FAM20A: variants seen among roughly 807,000 people sequenced by gnomAD.
FAM20A encodes pseudokinase FAM20A.
FAM20A carries 42 observed loss-of-function variants against 52.0 expected under a neutral mutation model. That is an observed-to-expected ratio of 0.81 (90% CI 0.63 to 1.04). The LOEUF (loss-of-function observed/expected upper bound fraction) is 1.04, where lower values mean the gene tolerates loss of function less well. Ranked by LOEUF, FAM20A falls within the 50% of genes least tolerant of loss-of-function variation. The pLI is 0.00. For synonymous variants in FAM20A, 304 were observed against 298.9 expected, an observed-to-expected ratio of 1.02 and a Z score of -0.18; for missense variants, 742 against 712.7, an observed-to-expected ratio of 1.04 and a Z score of -0.47.
chr17:68,550,186 T>TA (rs2086768343), intron 4 of FAM20A, among the ~76,000 whole-genome samples: 1 of 152,118 alleles, frequency 6.6e-6, no homozygotes, highest in Non-Finnish European at 1.5e-5. Flanking sequence ...TTTTGACAAG[T>TA]AAAATCTACA....
chr17:68,576,353 C>T (rs1231179273), intron 1 of FAM20A, among the ~76,000 whole-genome samples: 1 of 152,242 alleles, frequency 6.6e-6, no homozygotes, highest in Non-Finnish European at 1.5e-5. Context: ...AGGAGACTGA[C>T]TTGAGCTAGC....
chr17:68,540,246 T>C (rs1238695994), intron 8 of FAM20A, among the ~76,000 whole-genome samples: 1 of 152,226 alleles, frequency 6.6e-6, no homozygotes, highest in Non-Finnish European at 1.5e-5. Flanking sequence ...GATTTGAATG[T>C]GCAGAAAGTC....
rs34614921 is a variant in FAM20A at position 68,551,724 on chromosome 17, T to TATTATC, written c.719+148_719+149insGATAAT. ...TTATTATTATTATTATTATTATTAT[T>TATTATC]ATCACCCCAAACAGTTCTGTGCTTG... On this transcript the variant is annotated intron_variant, in intron 4 of 10. Coordinates refer to ENST00000592554, the MANE Select transcript of FAM20A (RefSeq NM_017565.4). The TATTATC allele has an allele frequency of 7.0e-3, 2,069 of 293,636 alleles. 51 individuals are homozygous for TATTATC. The highest frequency in any genetic ancestry group is 0.023 in the African/African-American group (886 of 37,736). The allele number at this position is 293,636 out of a possible 1,614,324, so 18.2% of individuals were successfully genotyped here. A position where few individuals can be genotyped will look rare whatever the true frequency, so the allele number is the denominator to read the frequency against.
At chr17:68,573,596 C>A (rs2087637509) in intron 1 of FAM20A, among the ~76,000 whole-genome samples, 1 of 146,018 alleles carries the variant, frequency 6.8e-6, no homozygotes, top group Non-Finnish European at 1.5e-5. Flanking sequence ...TCTTTCCTTT[C>A]TTTCTCTCTC....
At chr17:68,585,160 C>G (rs2088131244) in intron 1 of FAM20A, among the ~76,000 whole-genome samples, 1 of 152,200 alleles carries the variant, frequency 6.6e-6, no homozygotes, top group Non-Finnish European at 1.5e-5. Flanking sequence ...TAGGCTGGCC[C>G]TTAGACCTGT....
At chr17:68,546,434 G>T (rs2086570235) in intron 4 of FAM20A, among the ~76,000 whole-genome samples, 1 of 151,998 alleles carries the variant, frequency 6.6e-6, no homozygotes, top group East Asian at 1.9e-4. Context: ...ATGGCATCTA[G>T]AATGGAGACT....
chr17:68,541,677 TC>T (rs2086301962), intron 7 of FAM20A: 2 of 277,340 alleles, frequency 7.2e-6, no homozygotes, highest in Admixed American at 4.7e-5. Flanking sequence ...TGCTGTGTTT[TC>T]GTGATCTGGC....
Position 68,537,298 on chromosome 17 carries a change from C to T in FAM20A, c.*179G>A, listed in dbSNP as rs1457275978. Reference sequence around the variant, plus strand: ...AAGGCAACGCACGACAGAAGCGGTGCACCAAGGAGTAAAGATTCAGTTCCA... The same window carrying T: ...AAGGCAACGCACGACAGAAGCGGTGTACCAAGGAGTAAAGATTCAGTTCCA... On this transcript the variant is annotated 3_prime_UTR_variant, in exon 11 of 11. Transcript: ENST00000592554. This position sits in a 1 kb window ranked among gnomAD's most constrained non-coding sequence, Gnocchi z 4.2. The T allele has an allele frequency of 6.1e-6, 5 of 820,612 alleles. No individual in the cohort carries two copies. Among genetic ancestry groups the T allele is most frequent in the South Asian group, 2.9e-5 (2 of 69,402 alleles). 50.8% of individuals were successfully genotyped at this position (820,612 alleles called of 1,614,324 possible).
chr17:68,559,396 C>A lies in FAM20A; in HGVS notation c.405-3653G>T, dbSNP rs193278452. ...GGACAGTGAGGCCATTGCCTGGTAA[C>A]ACTGGCCTTCCTTTTAAGGAAAGAG... On this transcript the variant is annotated intron_variant, in intron 1 of 10. Transcript: ENST00000592554. 1.7e-3 allele frequency among the ~76,000 whole-genome samples: 259 copies of A among 152,290 alleles called. 1 individual carries two copies. The highest frequency in any genetic ancestry group is 6.0e-3 in the African/African-American group (251 of 41,552).
chr17:68,540,750 C>A, intron 8 of FAM20A, 99 bp downstream of exon 8: 1 of 1,436,656 alleles, frequency 7.0e-7, no homozygotes, highest in South Asian at 1.2e-5. Context: ...GTTACTCAGT[C>A]CTCATGAACC....
intron 1 of FAM20A, among the ~76,000 whole-genome samples, chr17:68,586,965 A>G (rs1479305439): frequency 6.6e-6 from 1 of 151,892 alleles, no homozygotes; most frequent in African/African-American, 2.4e-5. Flanking sequence ...GATGTCGTTC[A>G]CTGCAACCTC....
chr17:68,546,786 A>C (rs890611332), intron 4 of FAM20A, among the ~76,000 whole-genome samples: 17 of 146,696 alleles, frequency 1.2e-4, no homozygotes, highest in African/African-American at 4.3e-4. Flanking sequence ...GCTGAGATTG[A>C]GCCACTGGAC....
chr17:68,563,288 A>G (rs1568753361), intron 1 of FAM20A, among the ~76,000 whole-genome samples: 1 of 150,780 alleles, frequency 6.6e-6, no homozygotes, highest in Non-Finnish European at 1.5e-5. Context: ...TGGGAGGCTG[A>G]GGCAGGAGAA....
intron 1 of FAM20A, among the ~76,000 whole-genome samples, chr17:68,599,362 A>C (rs2088545253): frequency 6.6e-6 from 1 of 152,344 alleles, no homozygotes; most frequent in South Asian, 2.1e-4. Context: ...CTTAACTCAT[A>C]CGAAGGCTTC....
At chr17:68,561,598 T>A (rs2087215484) in intron 1 of FAM20A, among the ~76,000 whole-genome samples, 1 of 151,598 alleles carries the variant, frequency 6.6e-6, no homozygotes, top group Non-Finnish European at 1.5e-5. Context: ...GCTCTTTTTT[T>A]TTTTTTTTTT....
intron 1 of FAM20A, among the ~76,000 whole-genome samples, chr17:68,583,531 T>C (rs1177292147): frequency 6.6e-6 from 1 of 152,218 alleles, no homozygotes; most frequent in African/African-American, 2.4e-5. Flanking sequence ...ACACTTGACA[T>C]GGAACTTAGG....
At chr17:68,554,499 C>T (rs997458368) in intron 3 of FAM20A, among the ~76,000 whole-genome samples, 1 of 152,190 alleles carries the variant, frequency 6.6e-6, no homozygotes, top group African/African-American at 2.4e-5. Flanking sequence ...GATTCTGATT[C>T]AGAAAGAGAG....
intron 1 of FAM20A, chr17:68,591,882 T>G (rs2143917986): frequency 6.6e-6 from 1 of 152,368 alleles, no homozygotes; most frequent in African/African-American, 2.4e-5. Context: ...CTGAGAGGTA[T>G]CTTTCTTTTT....
At chr17:68,552,531 C>A (rs1327687413) in intron 3 of FAM20A, among the ~76,000 whole-genome samples, 3 of 152,092 alleles carry the variant, frequency 2.0e-5, no homozygotes, top group African/African-American at 7.2e-5. Context: ...TCCTGGGCAC[C>A]TCACTTCTCT....
Sources: gnomAD v4.1 joint callset for allele counts (sites outside exome capture counted in the v4.1 genomes callset) on GRCh38, gnomAD v4.1.1 for gene constraint, Gnocchi (gnomAD v3.1) non-coding constraint, MANE v1.5 for transcripts, NCBI Gene and HGNC (gene_info 2026-07-23, HGNC 2026-07-21) for gene names.